RHOD: variants seen among roughly 807,000 people sequenced by gnomAD.
The protein encoded by RHOD is ras homolog family member D.
A neutral mutation model predicts 16.7 loss-of-function variants in RHOD; 11 were observed. That is an observed-to-expected ratio of 0.66 (90% CI 0.41 to 1.09). The LOEUF is 1.09. RHOD is among the 50% of genes least tolerant of loss of function. RHOD has a pLI of 0.00. For synonymous variants in RHOD, 124 were observed against 126.3 expected, an observed-to-expected ratio of 0.98 and a Z score of 0.12; for missense variants, 271 against 291.7, an observed-to-expected ratio of 0.93 and a Z score of 0.52.
Position 67,065,820 on chromosome 11 carries a change from A to T in RHOD, c.133-76A>T, listed in dbSNP as rs1414138257. ...CTCCACTGACCCCCAAGGAGGGAGC[A>T]GCGCTGTGGACAGACCAAGTCCCCA... On this transcript the variant is annotated intron_variant, in intron 1 of 4. Coordinates refer to ENST00000308831, the MANE Select transcript of RHOD (RefSeq NM_014578.4). 1.3e-5 allele frequency: 12 copies of T among 922,132 alleles called. No homozygotes were observed. The East Asian group carries it at 3.0e-4, about 23-fold the overall frequency. 57.1% of individuals were successfully genotyped at this position (922,132 alleles called of 1,614,324 possible). A position where few individuals can be genotyped will look rare whatever the true frequency, so the allele number is the denominator to read the frequency against.
chr11:67,061,174 C>T (rs1854881548), intron 1 of RHOD, among the ~76,000 whole-genome samples: 1 of 152,124 alleles, frequency 6.6e-6, no homozygotes, highest in African/African-American at 2.4e-5. Flanking sequence ...GGGGAAGCAC[C>T]ACACTTTTAA....
intron 3 of RHOD, among the ~76,000 whole-genome samples, chr11:67,067,632 T>C (rs1334393438): frequency 3.9e-5 from 6 of 152,160 alleles, no homozygotes; most frequent in Non-Finnish European, 7.3e-5. Flanking sequence ...GTTCTGGTGC[T>C]GTTCTGGGCA....
chr11:67,059,261 C>T (rs148296061), intron 1 of RHOD, among the ~76,000 whole-genome samples: 250 of 152,216 alleles, frequency 1.6e-3, no homozygotes, highest in African/African-American at 5.9e-3. Flanking sequence ...CACAATGGGC[C>T]GGGCGTAATG....
chr11:67,068,238 C>G (rs947103507), intron 3 of RHOD, among the ~76,000 whole-genome samples: 1 of 152,194 alleles, frequency 6.6e-6, no homozygotes, highest in African/African-American at 2.4e-5. Context: ...GCAGTTCCTC[C>G]GAGCAGGCAG....
At chr11:67,064,105 C>CA (rs1280364068) in intron 1 of RHOD, among the ~76,000 whole-genome samples, 505 of 45,298 alleles carry the variant, frequency 0.011, 6 homozygotes, top group Non-Finnish European at 0.017. Flanking sequence ...GACTCCGTCT[C>CA]AAAAAAAAAA....
At chr11:67,057,634 G>C (rs1264485554) in intron 1 of RHOD, among the ~76,000 whole-genome samples, 1 of 152,230 alleles carries the variant, frequency 6.6e-6, no homozygotes, top group Non-Finnish European at 1.5e-5. Flanking sequence ...CTGCCTTGGA[G>C]GGTGGGAGCA....
intron 1 of RHOD, among the ~76,000 whole-genome samples, chr11:67,064,933 C>CG (rs1423560615): frequency 5.9e-5 from 9 of 152,052 alleles, no homozygotes; most frequent in African/African-American, 2.2e-4. Context: ...AAAAGAAAAA[C>CG]GGGAGTCCCC....
intron 3 of RHOD, among the ~76,000 whole-genome samples, chr11:67,067,394 A>G (rs1168903069): frequency 1.3e-5 from 2 of 152,132 alleles, no homozygotes; most frequent in African/African-American, 2.4e-5. Flanking sequence ...TATTTGCAAC[A>G]ACAACAACAA....
At chr11:67,060,798 G>C (rs1854876959) in intron 1 of RHOD, among the ~76,000 whole-genome samples, 1 of 152,322 alleles carries the variant, frequency 6.6e-6, no homozygotes, top group Non-Finnish European at 1.5e-5. Context: ...CATTACCATG[G>C]GCATTTGCAA....
At chr11:67,062,073 C>G (rs1391130667) in intron 1 of RHOD, among the ~76,000 whole-genome samples, 1 of 152,078 alleles carries the variant, frequency 6.6e-6, no homozygotes, top group African/African-American at 2.4e-5. Context: ...GTCCTTCCCT[C>G]GACACGTGGG....
At chr11:67,068,480 C>T (rs924343748) in intron 3 of RHOD, among the ~76,000 whole-genome samples, 3 of 151,926 alleles carry the variant, frequency 2.0e-5, no homozygotes, top group Admixed American at 6.6e-5. Context: ...TGCCCAGGGT[C>T]GGGGTTATCG....
chr11:67,065,624 A>G (rs1280350097), intron 1 of RHOD, among the ~76,000 whole-genome samples: 1 of 152,090 alleles, frequency 6.6e-6, no homozygotes, highest in Non-Finnish European at 1.5e-5. Context: ...CAACGTCCCA[A>G]AGTGCTGGGA....
At chr11:67,066,671 T>A (rs1325185665) in intron 2 of RHOD, 67 bp from the exon 3 acceptor site, 3 of 1,035,892 alleles carry the variant, frequency 2.9e-6, no homozygotes, top group Non-Finnish European at 4.6e-6. Flanking sequence ...GGTGACCTCC[T>A]GACATTGGGG....
At chr11:67,069,464 T>C (rs1729147240) in intron 3 of RHOD, among the ~76,000 whole-genome samples, 2 of 151,858 alleles carry the variant, frequency 1.3e-5, no homozygotes, top group African/African-American at 2.4e-5. Flanking sequence ...GTTCAAGCGA[T>C]TCTCCTGCCT....
chr11:67,069,594 G>A (rs1242231731), intron 3 of RHOD, among the ~76,000 whole-genome samples: 1 of 152,036 alleles, frequency 6.6e-6, no homozygotes, highest in African/African-American at 2.4e-5. Flanking sequence ...CCTGACCTCA[G>A]GTGATCTGCC....
Position 67,066,825 on chromosome 11 carries a change from G to C in RHOD, c.308G>C (p.Ser103Thr). The C allele has an allele frequency of 3.1e-6, 5 of 1,613,258 alleles. No homozygotes were observed. The highest frequency in any genetic ancestry group is 4.2e-6 in the Non-Finnish European group (5 of 1,179,194). Residue 103 changes from serine to threonine, a missense_variant, in exon 3 of 5, where the codon AGC (serine) becomes ACC (threonine). Ser to Thr is a moderately conservative substitution (Grantham distance 58). Transcript: ENST00000308831. The part of the protein sequence containing the change: ...LLCFDVTSPN[S>T]FDNIFNRWYP... ...TGCTTCGATGTCACCAGCCCGAACA[G>C]CTTTGACAACATCTTTAACCGGGTA...
rs1164393584 is a variant in RHOD, at chr11:67,061,752, A to AT, written c.133-4144_133-4143insT. On this transcript the variant is annotated intron_variant, in intron 1 of 4. Coordinates refer to ENST00000308831, the MANE Select transcript of RHOD (RefSeq NM_014578.4). ...CGAGACCCTCTCTAAAAAAAAAAAAAAAAATATATATATATATATATATGT... is the reference window on the plus strand; with the variant it reads ...CGAGACCCTCTCTAAAAAAAAAAAAATAAAATATATATATATATATATATGT... 1.2e-3 allele frequency among the ~76,000 whole-genome samples: 168 copies of AT among 136,064 alleles called. 1 individual carries two copies. The highest frequency in any genetic ancestry group is 4.4e-3 in the Admixed American group (60 of 13,494). The allele number at this position is 136,064 out of a possible 152,430, so 89.3% of individuals were successfully genotyped here.
At chr11:67,057,920 C>T (rs1001923103) in intron 1 of RHOD, among the ~76,000 whole-genome samples, 9 of 152,246 alleles carry the variant, frequency 5.9e-5, no homozygotes, top group Non-Finnish European at 1.2e-4. Flanking sequence ...GGGCACCAGG[C>T]GGCCCCTGCT....
chr11:67,061,725 A>AG (rs1854889645), intron 1 of RHOD, among the ~76,000 whole-genome samples: 1 of 141,058 alleles, frequency 7.1e-6, no homozygotes, highest in Non-Finnish European at 1.5e-5. Context: ...GAGGCGACAG[A>AG]GCGAGACCCT....
Sources: allele counts gnomAD v4.1 joint callset (sites outside exome capture counted in the v4.1 genomes callset), GRCh38; gene constraint gnomAD v4.1.1; transcripts MANE v1.5; gene names NCBI Gene and HGNC (gene_info 2026-07-23, HGNC 2026-07-21).